Variants in PCSK5 observed in about 807,000 individuals in gnomAD.
PCSK5 encodes the protein prohormone convertase 5.
In PCSK5, 129 loss-of-function variants were observed where a neutral mutation model predicts 233.2. The ratio of observed to expected loss-of-function variants is 0.55; its 90% CI spans 0.48 to 0.64. The LOEUF (loss-of-function observed/expected upper bound fraction) is 0.64, where lower values mean the gene tolerates loss of function less well. Ranked by LOEUF, PCSK5 falls within the 30% of genes least tolerant of loss-of-function variation. The pLI, the probability that PCSK5 is intolerant of heterozygous loss-of-function variation, is 0.00. For synonymous variants in PCSK5, 825 were observed against 879.2 expected (o/e 0.94, Z 1.09); for missense variants, 2,076 against 2,430.1 (o/e 0.85, Z 3.06).
At chr9:76,013,596 T>A (rs34314626) in intron 3 of PCSK5, among the ~76,000 whole-genome samples, 29 of 152,178 alleles carry the variant, frequency 1.9e-4, no homozygotes, top group Non-Finnish European at 4.0e-4. Context: ...TATTTATTTG[T>A]CTTTCTTTCC....
chr9:76,171,944 T>G (rs1174166303), intron 13 of PCSK5, among the ~76,000 whole-genome samples: 1 of 152,046 alleles, frequency 6.6e-6, no homozygotes, highest in African/African-American at 2.4e-5. Context: ...GGGGGGTGTG[T>G]GTGTGTATGT....
At chr9:76,014,620 C>T (rs1827867667) in intron 3 of PCSK5, among the ~76,000 whole-genome samples, 1 of 152,202 alleles carries the variant, frequency 6.6e-6, no homozygotes, top group South Asian at 2.1e-4. Context: ...CTCCTCCTGA[C>T]AGCAGAAATT....
chr9:75,941,373 C>G (rs979752456), intron 2 of PCSK5, among the ~76,000 whole-genome samples: 2 of 151,994 alleles, frequency 1.3e-5, no homozygotes, highest in African/African-American at 4.8e-5. Context: ...GGGTACGTAC[C>G]TGAGGCTTTG....
chr9:75,914,289 C>T (rs1467225127), intron 1 of PCSK5, among the ~76,000 whole-genome samples: 6 of 152,118 alleles, frequency 3.9e-5, no homozygotes, highest in African/African-American at 1.4e-4. Flanking sequence ...TTGTTGCATC[C>T]ATTGTTCCAT....
intron 1 of PCSK5, among the ~76,000 whole-genome samples, chr9:75,899,133 G>T (rs1465947584): frequency 2.6e-5 from 4 of 152,192 alleles, no homozygotes; most frequent in African/African-American, 9.7e-5. Flanking sequence ...TAGGGGATGA[G>T]GAGGAGGGAG....
Position 76,154,794 on chromosome 9 carries a change from AATG to A in PCSK5, c.1313-2246_1313-2244del, listed in dbSNP as rs559429244. Among the ~76,000 whole-genome samples the A allele has an allele frequency of 3.7e-4, 57 of 152,282 alleles. 1 individual carries two copies. In the South Asian group the frequency reaches 0.01, roughly 28 times the overall value. On this transcript the variant is annotated intron_variant, in intron 10 of 37. Transcript: ENST00000674117. ...TGACCTGGTATATAGGCTATGGTTA[AATG>A]ATGAGTAAGAACATAATGATTCTCA...
At chr9:76,271,227 A>T (rs898258914) in intron 24 of PCSK5, among the ~76,000 whole-genome samples, 1 of 152,204 alleles carries the variant, frequency 6.6e-6, no homozygotes, top group Admixed American at 6.5e-5. Context: ...CAGAAAAAAA[A>T]TCAAAGCATC....
chr9:75,961,684 A>G (rs1309762573), intron 2 of PCSK5, among the ~76,000 whole-genome samples: 1 of 152,224 alleles, frequency 6.6e-6, no homozygotes, highest in Admixed American at 6.5e-5. Context: ...CTTGGCATCC[A>G]AACTGAGATG....
chr9:76,124,524 A>G (rs201200198), intron 9 of PCSK5, among the ~76,000 whole-genome samples: 1 of 150,942 alleles, frequency 6.6e-6, no homozygotes, highest in Non-Finnish European at 1.5e-5. Flanking sequence ...AGGCAGGCAG[A>G]TCAGGAGGTC....
chr9:76,129,263 G>T (rs528512630), intron 9 of PCSK5, among the ~76,000 whole-genome samples: 3 of 148,484 alleles, frequency 2.0e-5, no homozygotes, highest in South Asian at 4.3e-4. Context: ...TTTAAAAAAA[G>T]TGGTTTTATT....
Position 75,942,383 on chromosome 9 carries a change from AATGACAGATCTC to A in PCSK5, c.297+9903_297+9914del, listed in dbSNP as rs1178784775. Among the ~76,000 whole-genome samples the A allele has an allele frequency of 2.0e-5, 3 of 152,312 alleles. No homozygotes were observed. The East Asian group carries it at 5.8e-4, about 29-fold the overall frequency. On this transcript the variant is annotated intron_variant, in intron 2 of 37. Transcript: ENST00000674117. The stretch of plus-strand genomic sequence containing the variant: ...GTTGGGAGAAAGGGAGAAAGGCGTA[AATGACAGATCTC>A]ATCACTTTGATGATTTCTCTTTGGT...
rs1822575793 is a variant in PCSK5, at chr9:75,908,943, CTATCTATCTA to C, written c.192+17572_192+17581del. On this transcript the variant is annotated intron_variant, in intron 1 of 37. Transcript: ENST00000674117. ...TCTATCTCTCTATCTCTCTCTCTGT[CTATCTATCTA>C]TCTATCTATCTATCTATCTATCTAT... is the stretch of plus-strand genomic sequence containing the variant. Among the ~76,000 whole-genome samples the C allele has an allele frequency of 2.1e-4, 12 of 58,132 alleles. No individual in the cohort carries two copies. The South Asian group carries it at 3.8e-3, about 19-fold the overall frequency. The allele number at this position is 58,132 out of a possible 152,430, so 38.1% of individuals were successfully genotyped here.
chr9:76,023,680 G>T, intron 3 of PCSK5, 58 bp from the exon 4 acceptor site: 4 of 1,467,446 alleles, frequency 2.7e-6, no homozygotes, highest in Non-Finnish European at 2.8e-6. Context: ...AAAGAAATAG[G>T]TAATTCTTCC....
intron 2 of PCSK5, among the ~76,000 whole-genome samples, chr9:75,954,567 T>C (rs1158659550): frequency 3.9e-5 from 6 of 152,232 alleles, no homozygotes. Flanking sequence ...ATAATTGTAG[T>C]TGTTACAATG....
At chr9:76,299,020 G>A (rs1447680717) in intron 27 of PCSK5, among the ~76,000 whole-genome samples, 4 of 152,128 alleles carry the variant, frequency 2.6e-5, no homozygotes, top group Admixed American at 2.6e-4. Context: ...ATCAGCACAG[G>A]CTGGGAAAAC....
At chr9:75,891,697 C>G (rs181626569) in intron 1 of PCSK5, among the ~76,000 whole-genome samples, 313 of 151,728 alleles carry the variant, frequency 2.1e-3, no homozygotes, top group African/African-American at 6.6e-3. Flanking sequence ...CCTGAAAAGT[C>G]GAGTAGCACT....
chr9:75,935,081 T>G (rs1206768759), intron 2 of PCSK5, among the ~76,000 whole-genome samples: 1 of 152,134 alleles, frequency 6.6e-6, no homozygotes, highest in Non-Finnish European at 1.5e-5. Flanking sequence ...TTTTATTTTA[T>G]TTTTGAGACA....
intron 24 of PCSK5, among the ~76,000 whole-genome samples, chr9:76,279,137 C>A (rs1043841084): frequency 6.9e-6 from 1 of 144,044 alleles, no homozygotes; most frequent in Non-Finnish European, 1.5e-5. Context: ...TGTTCAATTC[C>A]CACCTATGAG....
At chr9:76,340,550 T>C (rs999079102) in intron 35 of PCSK5, among the ~76,000 whole-genome samples, 3 of 135,226 alleles carry the variant, frequency 2.2e-5, no homozygotes, top group African/African-American at 8.5e-5. Flanking sequence ...GAGGTTGAGG[T>C]GGGAGAATCG....
Sources: gnomAD v4.1 joint callset for allele counts (sites outside exome capture counted in the v4.1 genomes callset) on GRCh38, gnomAD v4.1.1 for gene constraint, MANE v1.5 for transcripts, NCBI Gene and HGNC (gene_info 2026-07-23, HGNC 2026-07-21) for gene names.